The following HAPLN1 variants were observed in gnomAD, a reference collection of about 807,000 sequenced individuals.
HAPLN1 encodes the protein Cartilage link protein.
HAPLN1 carries 13 observed loss-of-function variants against 36.5 expected under a neutral mutation model. That is an observed-to-expected ratio of 0.36 (90% confidence interval 0.23 to 0.57). HAPLN1 has a LOEUF of 0.57. Among genes scored for constraint, HAPLN1 ranks in the 20% least tolerant of loss-of-function variants. The pLI is 0.83. For missense variants in HAPLN1, 407 were observed against 439.7 expected (o/e 0.93, Z 0.66); for synonymous variants, 202 against 169.8 (o/e 1.19, Z -1.48).
rs1341806969 is a variant in HAPLN1 at position 83,644,434 on chromosome 5, A to G, written c.704T>C (p.Val235Ala). ...PCGGQNTVPG[V>A]RNYGFWDKDK... ...TTTATCCCAAAATCCGTAGTTCCTG[A>G]CTCCGGGCACTGTGTTCTGCCCCCC... Residue 235 changes from valine to alanine, a missense_variant, in exon 4 of 5, where the codon GTC becomes GCC. Coordinates refer to ENST00000274341, the MANE Select transcript of HAPLN1 (RefSeq NM_001884.4). The G allele has an allele frequency of 1.2e-6, 2 of 1,607,928 alleles. No individual in the cohort carries two copies. The highest frequency in any genetic ancestry group is 1.1e-5 in the South Asian group (1 of 90,030).
At chr5:83,669,478 G>A (rs1750642619) in intron 2 of HAPLN1, among the ~76,000 whole-genome samples, 1 of 152,088 alleles carries the variant, frequency 6.6e-6, no homozygotes, top group Non-Finnish European at 1.5e-5. Context: ...CAGCCTGGGC[G>A]AGAGAGCAAG....
At chr5:83,655,729 G>A (rs1750190393) in intron 2 of HAPLN1, among the ~76,000 whole-genome samples, 3 of 152,090 alleles carry the variant, frequency 2.0e-5, no homozygotes, top group Admixed American at 1.3e-4. Flanking sequence ...ACACAGCTCT[G>A]AGCATTTTGG....
intron 1 of HAPLN1, among the ~76,000 whole-genome samples, chr5:83,705,911 G>A (rs1462357402): frequency 6.6e-6 from 1 of 151,812 alleles, no homozygotes; most frequent in Non-Finnish European, 1.5e-5. Flanking sequence ...TGACCCCACA[G>A]AAATATTAAT....
chr5:83,681,424 A>G (rs1750995874), intron 1 of HAPLN1, among the ~76,000 whole-genome samples: 1 of 152,194 alleles, frequency 6.6e-6, no homozygotes, highest in Admixed American at 6.5e-5. Flanking sequence ...ATTGTTTCTT[A>G]TCAAGCACAA....
At chr5:83,666,914 C>A (rs935499783) in intron 2 of HAPLN1, among the ~76,000 whole-genome samples, 1 of 152,058 alleles carries the variant, frequency 6.6e-6, no homozygotes, top group Non-Finnish European at 1.5e-5. Flanking sequence ...CAAAAGGACA[C>A]ACAAATACAA....
chr5:83,697,038 G>A (rs1033105574), intron 1 of HAPLN1, among the ~76,000 whole-genome samples: 9 of 152,054 alleles, frequency 5.9e-5, no homozygotes, highest in Non-Finnish European at 1.2e-4. Context: ...CCTATGAGCT[G>A]TTATTCCCTA....
chr5:83,650,788 C>T (rs1052435721), intron 3 of HAPLN1, among the ~76,000 whole-genome samples: 9 of 151,866 alleles, frequency 5.9e-5, no homozygotes, highest in African/African-American at 2.2e-4. Flanking sequence ...GCGCCTGCCA[C>T]CATGCCCGGC....
At chr5:83,696,409 T>G (rs1453805579) in intron 1 of HAPLN1, among the ~76,000 whole-genome samples, 1 of 152,098 alleles carries the variant, frequency 6.6e-6, no homozygotes, top group Non-Finnish European at 1.5e-5. Flanking sequence ...AATTTTAACA[T>G]TCATATGTAA....
chr5:83,665,545 A>G (rs1037585862), intron 2 of HAPLN1, among the ~76,000 whole-genome samples: 2 of 152,132 alleles, frequency 1.3e-5, no homozygotes, highest in African/African-American at 2.4e-5. Context: ...TTTATTTTAA[A>G]CTTTCAATCC....
intron 1 of HAPLN1, among the ~76,000 whole-genome samples, chr5:83,719,065 G>A (rs1751971216): frequency 6.6e-6 from 1 of 152,176 alleles, no homozygotes; most frequent in African/African-American, 2.4e-5. Context: ...TGTGTTACTT[G>A]CTCCCAAAGG....
intron 1 of HAPLN1, among the ~76,000 whole-genome samples, chr5:83,679,392 C>A (rs1446058781): frequency 6.6e-6 from 1 of 152,078 alleles, no homozygotes; most frequent in African/African-American, 2.4e-5. Context: ...AATTTATATT[C>A]CTTTTTCTCC....
At chr5:83,672,396 T>C (rs1750754447) in intron 2 of HAPLN1, among the ~76,000 whole-genome samples, 1 of 152,224 alleles carries the variant, frequency 6.6e-6, no homozygotes, top group African/African-American at 2.4e-5. Context: ...GATTACAATT[T>C]CTTTTCTCAG....
At chr5:83,655,833 T>G (rs748523958) in intron 2 of HAPLN1, among the ~76,000 whole-genome samples, 3 of 151,966 alleles carry the variant, frequency 2.0e-5, no homozygotes, top group Non-Finnish European at 4.4e-5. Flanking sequence ...TCTCATCAGG[T>G]GCTATGTCAC....
At chr5:83,661,606 G>A (rs1750394149) in intron 2 of HAPLN1, among the ~76,000 whole-genome samples, 2 of 151,776 alleles carry the variant, frequency 1.3e-5, no homozygotes, top group Non-Finnish European at 2.9e-5. Flanking sequence ...CACCCCGCCC[G>A]GCTAATTTTT....
At chr5:83,676,084 C>T (rs2112602988) in intron 1 of HAPLN1, among the ~76,000 whole-genome samples, 1 of 152,030 alleles carries the variant, frequency 6.6e-6, no homozygotes, top group African/African-American at 2.4e-5. Flanking sequence ...ACATGATTTG[C>T]CCTGCCTCAT....
chr5:83,642,558 AAAT>A (rs541979330), intron 4 of HAPLN1, among the ~76,000 whole-genome samples: 1 of 152,192 alleles, frequency 6.6e-6, no homozygotes, highest in Non-Finnish European at 1.5e-5. Flanking sequence ...AAAATGTATA[AAAT>A]ATGACTTCAA....
chr5:83,690,119 A>G (rs1751237660), intron 1 of HAPLN1, among the ~76,000 whole-genome samples: 1 of 152,092 alleles, frequency 6.6e-6, no homozygotes, highest in South Asian at 2.1e-4. Flanking sequence ...TACGTGGGAC[A>G]CATTCCTGGC....
At chr5:83,709,042 A>AT (rs1394765553) in intron 1 of HAPLN1, among the ~76,000 whole-genome samples, 5 of 151,718 alleles carry the variant, frequency 3.3e-5, no homozygotes, top group African/African-American at 4.8e-5. Context: ...TGCCCTGATA[A>AT]TTTTTTTTGT....
chr5:83,683,439 T>G (rs1259465178), intron 1 of HAPLN1, among the ~76,000 whole-genome samples: 1 of 152,196 alleles, frequency 6.6e-6, no homozygotes, highest in African/African-American at 2.4e-5. Flanking sequence ...AGCTTCTCTC[T>G]TCCATAATTT....
Sources: allele counts gnomAD v4.1 joint callset (sites outside exome capture counted in the v4.1 genomes callset), GRCh38; gene constraint gnomAD v4.1.1; transcripts MANE v1.5; gene names NCBI Gene and HGNC (gene_info 2026-07-23, HGNC 2026-07-21).